Variants in TEX11 observed in about 807,000 individuals in gnomAD.
TEX11 encodes the protein testis expressed 11.
Under a neutral mutation model 84.4 loss-of-function variants are expected in TEX11, and 7 were observed. The observed-to-expected ratio is 0.08, with a 90% CI of 0.05 to 0.16. The LOEUF is 0.16. Among genes scored for constraint, TEX11 ranks in the 10% least tolerant of loss-of-function variants. The pLI, the probability that TEX11 is intolerant of heterozygous loss-of-function variation, is 1.00. For synonymous variants in TEX11, 264 were observed against 222.8 expected (o/e 1.18, Z -1.64); for missense variants, 551 against 660.5 (o/e 0.83, Z 1.82).
chrX:70,564,433 T>C lies in TEX11; in HGVS notation c.2141-9633A>G, dbSNP rs796350737. ...TTTATTATTATAATACTTTAAGTTT[T>C]AGGGTACATGTGCACAATGTGCAGG... On this transcript the variant is annotated intron_variant, in intron 25 of 29. Transcript: ENST00000374333. 6.3e-5 allele frequency among the ~76,000 whole-genome samples: 7 copies of C among 110,725 alleles called. No homozygotes were observed. In the South Asian group the frequency reaches 2.0e-3, roughly 31 times the overall value.
intron 25 of TEX11, among the ~76,000 whole-genome samples, chrX:70,586,732 C>T (rs1603106953): frequency 9.0e-6 from 1 of 111,602 alleles, no homozygotes; most frequent in Non-Finnish European, 1.9e-5. Context: ...TGTAAAATGG[C>T]GAGAATGGAC....
In TEX11 at chrX:70,607,115, C is replaced by T. The variant is rs2096380935; in HGVS notation, c.1880-86G>A. 4 of 683,164 alleles carry T rather than the reference C, an allele frequency of 5.9e-6. No individual in the cohort carries two copies. The African/African-American group carries it at 6.6e-5, about 11-fold the overall frequency. The allele number at this position is 683,164 out of a possible 1,213,427, so 56.3% of individuals were successfully genotyped here. A position where few individuals can be genotyped will look rare whatever the true frequency, so the allele number is the denominator to read the frequency against. On this transcript the variant is annotated intron_variant, in intron 22 of 29. Coordinates refer to ENST00000374333, the MANE Select transcript of TEX11 (RefSeq NM_031276.3). ...GTACCATTACAATTTCTGATACTTA[C>T]ACCTTTGATATTAACATACTAGTAA...
At position 70,568,634 on chromosome X, in the gene TEX11, G is replaced by A. The variant is rs758230582; in HGVS notation, c.2141-13834C>T. Reference sequence around the variant, plus strand: ...AAAATCTCTCAGCATTTGCTTGTCTGTAAAGTATTTTATTTCTCCTTCACT... The same window carrying A: ...AAAATCTCTCAGCATTTGCTTGTCTATAAAGTATTTTATTTCTCCTTCACT... On this transcript the variant is annotated intron_variant, in intron 25 of 29. Transcript: ENST00000374333. Among the ~76,000 whole-genome samples the A allele has an allele frequency of 1.2e-3, 137 of 110,922 alleles. 2 individuals are homozygous for A. Among genetic ancestry groups the A allele is most frequent in the Non-Finnish European group, 1.1e-3 (56 of 52,937 alleles).
intron 9 of TEX11, among the ~76,000 whole-genome samples, chrX:70,786,905 C>T (rs777419860): frequency 1.8e-4 from 20 of 111,633 alleles, no homozygotes; most frequent in Non-Finnish European, 3.2e-4. Flanking sequence ...GAGGCCAAAG[C>T]GGGCGGATTG....
intron 28 of TEX11, among the ~76,000 whole-genome samples, chrX:70,545,354 A>T (rs188653960): frequency 4.3e-4 from 48 of 112,108 alleles, no homozygotes; most frequent in Non-Finnish European, 7.3e-4. Flanking sequence ...AATTTTTTAA[A>T]AAACTTTTAA....
chrX:70,714,232 T>C (rs2090472062), intron 13 of TEX11, among the ~76,000 whole-genome samples: 1 of 111,227 alleles, frequency 9.0e-6, no homozygotes, highest in African/African-American at 3.3e-5. Context: ...AATTTTGGAA[T>C]AGGTGTGGTG....
intron 25 of TEX11, among the ~76,000 whole-genome samples, chrX:70,583,162 T>TTAAG (rs1283375640): frequency 2.7e-5 from 3 of 111,524 alleles, no homozygotes; most frequent in Non-Finnish European, 5.6e-5. Context: ...CATGGATATA[T>TTAAG]TAAGTAGTAG....
At chrX:70,842,666 C>T (rs1323329163) in intron 7 of TEX11, among the ~76,000 whole-genome samples, 3 of 111,372 alleles carry the variant, frequency 2.7e-5, no homozygotes, top group Non-Finnish European at 5.6e-5. Context: ...AAAGGGTATT[C>T]AATTAGGAAA....
chrX:70,519,594 G>T, the TEX11 span, among the ~76,000 whole-genome samples: 1 of 110,864 alleles, frequency 9.0e-6, no homozygotes, highest in Non-Finnish European at 1.9e-5. Context: ...ATATGTCTTG[G>T]GGTTGCTCTT....
intron 9 of TEX11, among the ~76,000 whole-genome samples, chrX:70,765,768 T>C (rs1265119366): frequency 1.8e-5 from 2 of 111,970 alleles, no homozygotes; most frequent in Non-Finnish European, 3.8e-5. Flanking sequence ...TTCAACATAC[T>C]ACTGGAAGTC....
At chrX:70,787,677 C>A (rs916069070) in intron 9 of TEX11, among the ~76,000 whole-genome samples, 1 of 111,094 alleles carries the variant, frequency 9.0e-6, no homozygotes. Flanking sequence ...CTCACCAGAG[C>A]AATTAAGCAA....
At chrX:70,713,563 T>A (rs960095080) in intron 13 of TEX11, among the ~76,000 whole-genome samples, 1 of 112,217 alleles carries the variant, frequency 8.9e-6, no homozygotes, top group African/African-American at 3.2e-5. Flanking sequence ...TTCTAGATTT[T>A]CTAGTTTGTT....
rs1213949265 is a variant in TEX11, at chrX:70,816,923, A to C, written c.607-10133T>G. Among the ~76,000 whole-genome samples the C allele has an allele frequency of 2.7e-5, 3 of 110,408 alleles. No homozygotes were observed. The East Asian group carries it at 8.5e-4, about 31-fold the overall frequency. Reference sequence around the variant, plus strand: ...AAGAGGGCATCCTCACAGTGAATAGAGTGGCAGAGAATATGGAAGACTGGT... The same window carrying C: ...AAGAGGGCATCCTCACAGTGAATAGCGTGGCAGAGAATATGGAAGACTGGT... On this transcript the variant is annotated intron_variant, in intron 8 of 29. Transcript: ENST00000374333.
intron 2 of TEX11, among the ~76,000 whole-genome samples, chrX:70,886,954 A>G (rs923676751): frequency 8.0e-5 from 9 of 111,829 alleles, no homozygotes; most frequent in Non-Finnish European, 1.3e-4. Context: ...TTTAGAGACT[A>G]AAGGATAGCT....
At chrX:70,753,469 ATT>A (rs139244260) in intron 9 of TEX11, among the ~76,000 whole-genome samples, 53,248 of 108,184 alleles carry the variant, frequency 0.49, 10,138 homozygotes, top group East Asian at 0.77. Context: ...GCTCCTGAAC[ATT>A]TTTCTAAACA....
chrX:70,734,173 G>A (rs12558420), intron 11 of TEX11, among the ~76,000 whole-genome samples: 2,126 of 110,447 alleles, frequency 0.019, 30 homozygotes, highest in South Asian at 0.039. Flanking sequence ...GGAGTGGGGA[G>A]GGATAGCATT....
chrX:70,670,279 C>T, intron 16 of TEX11, 98 bp downstream of exon 16: 2 of 982,215 alleles, frequency 2.0e-6, no homozygotes, highest in South Asian at 2.7e-5. Flanking sequence ...TCTCAGACAT[C>T]CTAAACTAAC....
At chrX:70,847,530 C>T (rs1325802601) in intron 7 of TEX11, among the ~76,000 whole-genome samples, 1 of 110,899 alleles carries the variant, frequency 9.0e-6, no homozygotes, top group Admixed American at 9.7e-5. Flanking sequence ...TTCGTTTGCT[C>T]TGCTTTTTGA....
At chrX:70,728,111 C>T (rs2090613528) in intron 11 of TEX11, among the ~76,000 whole-genome samples, 1 of 112,720 alleles carries the variant, frequency 8.9e-6, no homozygotes, top group Admixed American at 9.3e-5. Flanking sequence ...CATTACTATA[C>T]AGCATGGCTG....
Sources: gnomAD v4.1 joint callset for allele counts (sites outside exome capture counted in the v4.1 genomes callset) on GRCh38, gnomAD v4.1.1 for gene constraint, MANE v1.5 for transcripts, NCBI Gene and HGNC (gene_info 2026-07-23, HGNC 2026-07-21) for gene names.